Variants in DENND1A observed in about 807,000 individuals in gnomAD.
DENND1A encodes the protein DENN domain-containing protein 1A.
In DENND1A, 51 loss-of-function variants were observed where a neutral mutation model predicts 113.7. The observed-to-expected ratio is 0.45, with a 90% CI of 0.36 to 0.57. The LOEUF (loss-of-function observed/expected upper bound fraction) is 0.57. Ranked by LOEUF, DENND1A falls within the 20% of genes least tolerant of loss-of-function variation. The pLI, the probability that DENND1A is intolerant of heterozygous loss-of-function variation, is 0.00. For synonymous variants in DENND1A, 565 were observed against 570.8 expected, an observed-to-expected ratio of 0.99 and a Z score of 0.14; for missense variants, 1,258 against 1,395.9, an observed-to-expected ratio of 0.90 and a Z score of 1.57.
chr9:123,452,238 G>A (rs765842076), intron 17 of DENND1A, 38 bp downstream of exon 17: 1 of 1,565,458 alleles, frequency 6.4e-7, no homozygotes, highest in Non-Finnish European at 8.8e-7. Flanking sequence ...CTAAGGGACT[G>A]ATCTGTTTTG....
intron 19 of DENND1A, among the ~76,000 whole-genome samples, chr9:123,435,684 C>G (rs765843628): frequency 5.9e-5 from 9 of 152,220 alleles, no homozygotes; most frequent in Non-Finnish European, 1.0e-4. Flanking sequence ...GCCTCAGTCT[C>G]TAGCCTTGGC....
intron 8 of DENND1A, 118 bp from the exon 9 acceptor site, chr9:123,652,241 G>A: frequency 1.1e-6 from 1 of 883,178 alleles, no homozygotes; most frequent in African/African-American, 1.7e-5. Context: ...TTCTTTCCCT[G>A]TCCTTTTCTT....
At chr9:123,414,348 T>C (rs764938543) in intron 19 of DENND1A, 1 of 1,415,924 alleles carries the variant, frequency 7.1e-7, no homozygotes, top group Non-Finnish European at 9.2e-7. Context: ...GCCTCCAGCC[T>C]CTCCCCCTCC....
At chr9:123,806,833 G>T (rs953571248) in intron 2 of DENND1A, among the ~76,000 whole-genome samples, 3 of 152,206 alleles carry the variant, frequency 2.0e-5, no homozygotes, top group Non-Finnish European at 2.9e-5. Flanking sequence ...AATAAAGGGA[G>T]TAATACCCTT....
At chr9:123,919,251 T>G (rs945208793) in intron 1 of DENND1A, among the ~76,000 whole-genome samples, 1 of 151,056 alleles carries the variant, frequency 6.6e-6, no homozygotes, top group Admixed American at 6.6e-5. Flanking sequence ...GTGGGTGGAC[T>G]GCTTGGGGTC....
chr9:123,390,686 T>G (rs140625325), intron 21 of DENND1A, among the ~76,000 whole-genome samples: 78 of 152,176 alleles, frequency 5.1e-4, no homozygotes, highest in African/African-American at 1.9e-3. Context: ...GGTGAAGAGG[T>G]GACCACGTGG....
chr9:123,783,280 C>G (rs1360281510), intron 3 of DENND1A, among the ~76,000 whole-genome samples: 2 of 152,194 alleles, frequency 1.3e-5, no homozygotes, highest in Admixed American at 1.3e-4. Context: ...TTCATCCTTA[C>G]TTGACAAAAT....
chr9:123,465,466 T>C (rs2133196405), intron 13 of DENND1A, among the ~76,000 whole-genome samples: 1 of 152,302 alleles, frequency 6.6e-6, no homozygotes, highest in East Asian at 1.9e-4. Context: ...GTACTAGCTA[T>C]GTGCTCTTAG....
intron 2 of DENND1A, among the ~76,000 whole-genome samples, chr9:123,866,344 A>G (rs933650515): frequency 2.6e-5 from 4 of 152,252 alleles, no homozygotes; most frequent in Non-Finnish European, 5.9e-5. Context: ...ACTGTGACAC[A>G]TAAGTGGAAG....
At chr9:123,471,822 C>T (rs1322308802) in intron 13 of DENND1A, among the ~76,000 whole-genome samples, 1 of 152,226 alleles carries the variant, frequency 6.6e-6, no homozygotes, top group Non-Finnish European at 1.5e-5. Flanking sequence ...GTTACCCAAA[C>T]ACAGTTTTCC....
chr9:123,905,072 A>T (rs2133948880), intron 1 of DENND1A, among the ~76,000 whole-genome samples: 1 of 152,092 alleles, frequency 6.6e-6, no homozygotes, highest in Non-Finnish European at 1.5e-5. Flanking sequence ...TAAAGAAAAG[A>T]ATTTTCAACC....
chr9:123,724,551 T>A (rs2067565676), intron 5 of DENND1A, among the ~76,000 whole-genome samples: 1 of 151,554 alleles, frequency 6.6e-6, no homozygotes, highest in Non-Finnish European at 1.5e-5. Flanking sequence ...AGCAGACTTC[T>A]GAAGAAAAGC....
At chr9:123,702,013 T>A (rs2065911554) in intron 5 of DENND1A, among the ~76,000 whole-genome samples, 1 of 152,100 alleles carries the variant, frequency 6.6e-6, no homozygotes, top group Non-Finnish European at 1.5e-5. Flanking sequence ...TGATAGAGAA[T>A]CCAAAATAGC....
intron 3 of DENND1A, among the ~76,000 whole-genome samples, chr9:123,789,479 T>C (rs1832686402): frequency 6.6e-6 from 1 of 152,118 alleles, no homozygotes; most frequent in Non-Finnish European, 1.5e-5. Context: ...GCTTCTTCTG[T>C]AGTGATGGAT....
intron 5 of DENND1A, among the ~76,000 whole-genome samples, chr9:123,728,739 A>C (rs2067936231): frequency 6.6e-6 from 1 of 152,200 alleles, no homozygotes; most frequent in South Asian, 2.1e-4. Flanking sequence ...CGATTAAGAC[A>C]GTATAGTATT....
At chr9:123,834,200 C>T (rs538576972) in intron 2 of DENND1A, among the ~76,000 whole-genome samples, 98 of 152,184 alleles carry the variant, frequency 6.4e-4, no homozygotes, top group African/African-American at 2.3e-3. Flanking sequence ...AGGAATCTAC[C>T]TCCTCCACAA....
intron 5 of DENND1A, among the ~76,000 whole-genome samples, chr9:123,730,604 C>T (rs2068090434): frequency 6.6e-6 from 1 of 152,104 alleles, no homozygotes; most frequent in African/African-American, 2.4e-5. Context: ...AGTCAGGAAA[C>T]AACAGATGCA....
At chr9:123,619,914 C>G (rs1436389225) in intron 10 of DENND1A, among the ~76,000 whole-genome samples, 1 of 151,930 alleles carries the variant, frequency 6.6e-6, no homozygotes, top group African/African-American at 2.4e-5. Flanking sequence ...GAAAACAGTT[C>G]ACATTGAAAT....
rs117260939 is a variant in DENND1A at position 123,723,356 on chromosome 9, C to T, written c.302+34347G>A. The stretch of plus-strand genomic sequence containing the variant: ...CATGAGACTTTGGACTGTGGACTTT[C>T]GAGTTAATGATGAAATCAGTTAAGA... On this transcript the variant is annotated intron_variant, in intron 5 of 23. Transcript: ENST00000394215. Among the ~76,000 whole-genome samples the T allele has an allele frequency of 8.2e-4, 125 of 152,224 alleles. 2 individuals carry two copies. The highest frequency in any genetic ancestry group is 2.3e-3 in the Admixed American group (35 of 15,300).
Sources: allele counts gnomAD v4.1 joint callset (sites outside exome capture counted in the v4.1 genomes callset), GRCh38; gene constraint gnomAD v4.1.1; transcripts MANE v1.5; gene names NCBI Gene and HGNC (gene_info 2026-07-23, HGNC 2026-07-21).